ADAMTSL1: variants seen among roughly 807,000 people sequenced by gnomAD.
ADAMTSL1 encodes ADAMTS-like protein 1.
A neutral mutation model predicts 201.8 loss-of-function variants in ADAMTSL1; 126 were observed. The observed-to-expected ratio is 0.62, with a 90% CI of 0.54 to 0.72. ADAMTSL1 has a LOEUF of 0.72. Among genes scored for constraint, ADAMTSL1 ranks in the 30% least tolerant of loss-of-function variants. The pLI, the probability that ADAMTSL1 is intolerant of heterozygous loss-of-function variation, is 0.00. For missense variants in ADAMTSL1, 2,679 were observed against 2,277.8 expected, an observed-to-expected ratio of 1.18 and a Z score of -3.59; for synonymous variants, 1,121 against 903.4, an observed-to-expected ratio of 1.24 and a Z score of -4.32.
chr9:18,028,594 G>A (rs1820797513), intron 1 of ADAMTSL1, among the ~76,000 whole-genome samples: 1 of 151,944 alleles, frequency 6.6e-6, no homozygotes. Context: ...TATTTCTGAG[G>A]GCTCTGTTCT....
intron 20 of ADAMTSL1, among the ~76,000 whole-genome samples, chr9:18,815,783 C>T (rs956494299): frequency 2.0e-5 from 3 of 150,796 alleles, no homozygotes; most frequent in Non-Finnish European, 3.0e-5. Context: ...TGGATAAACC[C>T]GGAGGTTATT....
chr9:18,317,334 T>G (rs1173005490), intron 2 of ADAMTSL1, among the ~76,000 whole-genome samples: 1 of 152,042 alleles, frequency 6.6e-6, no homozygotes. Flanking sequence ...GTGACTTTTA[T>G]TAATAATACT....
intron 2 of ADAMTSL1, among the ~76,000 whole-genome samples, chr9:18,348,560 CCATT>C (rs1289955667): frequency 6.6e-6 from 1 of 152,136 alleles, no homozygotes; most frequent in East Asian, 1.9e-4. Context: ...TAGAATTATT[CCATT>C]CATTCTATAA....
chr9:18,336,278 C>G (rs1003073151), intron 2 of ADAMTSL1, among the ~76,000 whole-genome samples: 1 of 148,680 alleles, frequency 6.7e-6, no homozygotes, highest in African/African-American at 2.5e-5. Flanking sequence ...GTTCCTTAAA[C>G]ATTTTGCTTT....
In ADAMTSL1 at chr9:18,392,752, C is replaced by G. The variant is rs185664133; in HGVS notation, c.208-112077C>G. Among the ~76,000 whole-genome samples the G allele has an allele frequency of 1.5e-3, 236 of 152,264 alleles. 1 individual carries two copies. Among genetic ancestry groups the G allele is most frequent in the African/African-American group, 5.3e-3 (222 of 41,546 alleles). On this transcript the variant is annotated intron_variant, in intron 2 of 29. Coordinates refer to the ADAMTSL1 transcript ENST00000680146. The stretch of plus-strand genomic sequence containing the variant: ...ACATTTGTAAACTTCAGAGGATACT[C>G]TAAATTCATACAAGAAAAAAATAAT...
chr9:18,486,090 T>C (rs1177114647), intron 1 of ADAMTSL1, among the ~76,000 whole-genome samples: 3 of 152,234 alleles, frequency 2.0e-5, no homozygotes, highest in Non-Finnish European at 4.4e-5. Flanking sequence ...TAGATCCCAC[T>C]GTTTAGCATA....
chr9:18,085,489 A>G (rs552261170), intron 1 of ADAMTSL1, among the ~76,000 whole-genome samples: 1 of 150,886 alleles, frequency 6.6e-6, no homozygotes, highest in East Asian at 1.9e-4. Context: ...GTGCATATAT[A>G]TATATATATA....
intron 23 of ADAMTSL1, among the ~76,000 whole-genome samples, chr9:18,876,108 C>A (rs972964930): frequency 1.3e-5 from 2 of 152,060 alleles, no homozygotes; most frequent in African/African-American, 4.8e-5. Flanking sequence ...TTTTCTACCC[C>A]TTTACCTTAA....
At chr9:18,322,282 G>A (rs114575301) in intron 2 of ADAMTSL1, among the ~76,000 whole-genome samples, 3,705 of 152,120 alleles carry the variant, frequency 0.024, 163 homozygotes, top group African/African-American at 0.083. Flanking sequence ...CAATTATATA[G>A]AAAAAAATTA....
chr9:18,108,828 C>A (rs1824876910), intron 1 of ADAMTSL1, among the ~76,000 whole-genome samples: 2 of 151,384 alleles, frequency 1.3e-5, no homozygotes, highest in Admixed American at 1.3e-4. Flanking sequence ...AAGTGAAATT[C>A]TTTTCAGTAT....
chr9:18,108,436 G>C (rs959752443), intron 1 of ADAMTSL1, among the ~76,000 whole-genome samples: 1 of 152,002 alleles, frequency 6.6e-6, no homozygotes, highest in Non-Finnish European at 1.5e-5. Flanking sequence ...CTGAGCTCAA[G>C]ACATCCTCCC....
intron 21 of ADAMTSL1, among the ~76,000 whole-genome samples, chr9:18,821,299 G>A (rs918522015): frequency 4.6e-5 from 7 of 152,240 alleles, no homozygotes; most frequent in African/African-American, 1.7e-4. Flanking sequence ...CATCTGGAGA[G>A]GATCTGCCCC....
chr9:18,498,865 TG>T, intron 1 of ADAMTSL1, among the ~76,000 whole-genome samples: 1 of 152,368 alleles, frequency 6.6e-6, no homozygotes, highest in Middle Eastern at 3.4e-3. Flanking sequence ...TACGATCATT[TG>T]TCTAAATCCT....
intron 1 of ADAMTSL1, among the ~76,000 whole-genome samples, chr9:18,027,432 ATT>A (rs552237153): frequency 4.6e-4 from 68 of 146,274 alleles, no homozygotes; most frequent in African/African-American, 1.2e-3. Flanking sequence ...TATTTCAAAG[ATT>A]TTTTTTTTTT....
At chr9:18,702,498 C>T (rs892616314) in intron 13 of ADAMTSL1, among the ~76,000 whole-genome samples, 3 of 152,100 alleles carry the variant, frequency 2.0e-5, no homozygotes, top group Non-Finnish European at 4.4e-5. Context: ...TTTTCTATTT[C>T]ATAAAAGAGA....
chr9:18,140,014 C>T (rs1229830873), intron 1 of ADAMTSL1, among the ~76,000 whole-genome samples: 1 of 152,026 alleles, frequency 6.6e-6, no homozygotes, highest in Non-Finnish European at 1.5e-5. Context: ...TTGAGCCAGG[C>T]ATTGTAATTG....
intron 2 of ADAMTSL1, among the ~76,000 whole-genome samples, chr9:18,446,579 T>A (rs1820201038): frequency 6.6e-6 from 1 of 152,200 alleles, no homozygotes; most frequent in Admixed American, 6.5e-5. Context: ...AACTGGACCA[T>A]ACAAAAGGCC....
chr9:18,459,734 T>A (rs1727033587), intron 2 of ADAMTSL1, among the ~76,000 whole-genome samples: 1 of 152,022 alleles, frequency 6.6e-6, no homozygotes, highest in African/African-American at 2.4e-5. Flanking sequence ...GTTTGAGGAG[T>A]TAGATGTATT....
At position 18,444,154 on chromosome 9, in the gene ADAMTSL1, G is replaced by A. The variant is rs907967357; in HGVS notation, c.208-60675G>A. 3.9e-5 allele frequency among the ~76,000 whole-genome samples: 6 copies of A among 152,148 alleles called. No homozygotes were observed. In the East Asian group the frequency reaches 1.2e-3, roughly 29 times the overall value. On this transcript the variant is annotated intron_variant, in intron 2 of 29. Coordinates refer to the ADAMTSL1 transcript ENST00000680146. ...ATGATGTCTAGCATGTGTGACGATG[G>A]CTTCATGGTTTTAGAGAATTCTTAG...
Sources: gnomAD v4.1 joint callset for allele counts (sites outside exome capture counted in the v4.1 genomes callset) on GRCh38, gnomAD v4.1.1 for gene constraint, MANE v1.5 for transcripts, NCBI Gene and HGNC (gene_info 2026-07-23, HGNC 2026-07-21) for gene names.